Variants in PLLP observed in about 807,000 individuals in gnomAD.
PLLP encodes the protein plasma membrane proteolipid (plasmolipin).
PLLP carries 15 observed loss-of-function variants against 19.7 expected under a neutral mutation model. The ratio of observed to expected loss-of-function variants is 0.76; its 90% CI spans 0.51 to 1.17. The LOEUF is 1.17. Ranked by LOEUF, PLLP falls within the 50% of genes most tolerant of loss-of-function variation. The pLI is 0.00. For missense variants in PLLP, 255 were observed against 258.3 expected (o/e 0.99, Z 0.09); for synonymous variants, 111 against 116.3 (o/e 0.95, Z 0.29).
intron 1 of PLLP, among the ~76,000 whole-genome samples, chr16:57,265,684 T>C (rs11642528): frequency 0.042 from 6,457 of 152,226 alleles, 129 homozygotes; most frequent in Non-Finnish European, 0.045. Flanking sequence ...ATTCCCATCT[T>C]CCAAAGGGAA....
At chr16:57,268,468 T>C (rs1412466981) in intron 1 of PLLP, among the ~76,000 whole-genome samples, 3 of 152,162 alleles carry the variant, frequency 2.0e-5, no homozygotes, top group African/African-American at 7.2e-5. Context: ...ATCTTTGAAA[T>C]GTATCTACCC....
At chr16:57,268,250 A>G (rs76335253) in intron 1 of PLLP, among the ~76,000 whole-genome samples, 8,847 of 152,294 alleles carry the variant, frequency 0.058, 359 homozygotes, top group Non-Finnish European at 0.085. Context: ...CGGCAGCCCC[A>G]GGAAATGAAT....
At chr16:57,279,339 G>A (rs983369089) in intron 1 of PLLP, among the ~76,000 whole-genome samples, 1 of 151,494 alleles carries the variant, frequency 6.6e-6, no homozygotes, top group Admixed American at 6.6e-5. Flanking sequence ...GAGATCTAGG[G>A]AAGGCTTCTC....
intron 1 of PLLP, among the ~76,000 whole-genome samples, chr16:57,277,129 T>C (rs1284355599): frequency 1.3e-5 from 2 of 152,222 alleles, no homozygotes; most frequent in Non-Finnish European, 2.9e-5. Flanking sequence ...GAGAGGAATC[T>C]AGAGCCACAT....
intron 2 of PLLP, among the ~76,000 whole-genome samples, chr16:57,258,920 CAAAAAAAAAA>C (rs59321788): frequency 2.5e-5 from 1 of 40,248 alleles, no homozygotes; most frequent in African/African-American, 1.0e-4. Flanking sequence ...GATCCTGTCT[CAAAAAAAAAA>C]AAAAAAAAAA....
At chr16:57,284,168 G>A (rs1467668621) in intron 1 of PLLP, among the ~76,000 whole-genome samples, 1 of 152,162 alleles carries the variant, frequency 6.6e-6, no homozygotes, top group Admixed American at 6.5e-5. Flanking sequence ...ACGGTGCAGG[G>A]TGCTCACGCT....
At chr16:57,265,190 C>T (rs1168190956) in intron 1 of PLLP, among the ~76,000 whole-genome samples, 4 of 152,264 alleles carry the variant, frequency 2.6e-5, no homozygotes, top group Admixed American at 1.3e-4. Context: ...GGGCCTTGCC[C>T]GCTGTCACAC....
At chr16:57,274,005 G>C (rs1252215657) in intron 1 of PLLP, among the ~76,000 whole-genome samples, 2 of 151,846 alleles carry the variant, frequency 1.3e-5, no homozygotes, top group African/African-American at 4.8e-5. Flanking sequence ...TTATTTTTTT[G>C]GCAATAGGGT....
chr16:57,274,135 A>G (rs1197870050), intron 1 of PLLP, among the ~76,000 whole-genome samples: 1 of 151,746 alleles, frequency 6.6e-6, no homozygotes, highest in Non-Finnish European at 1.5e-5. Flanking sequence ...AGGCGCACAC[A>G]ACCATACCTG....
At chr16:57,268,235 T>C (rs1195457995) in intron 1 of PLLP, among the ~76,000 whole-genome samples, 1 of 152,222 alleles carries the variant, frequency 6.6e-6, no homozygotes, top group Non-Finnish European at 1.5e-5. Flanking sequence ...TGTGGAACTT[T>C]GTTACGGCAG....
At chr16:57,280,441 T>C (rs1226199049) in intron 1 of PLLP, among the ~76,000 whole-genome samples, 2 of 152,108 alleles carry the variant, frequency 1.3e-5, no homozygotes, top group Admixed American at 1.3e-4. Flanking sequence ...TAACCACGCC[T>C]TCTGCATTCT....
chr16:57,258,724 C>A (rs2075433484), intron 2 of PLLP, 140 bp from the exon 3 acceptor site: 1 of 796,700 alleles, frequency 1.3e-6, no homozygotes. Flanking sequence ...GAGTTAGAGA[C>A]CAGCCTGGGG....
chr16:57,280,801 T>C (rs1597966643), intron 1 of PLLP, among the ~76,000 whole-genome samples: 2 of 152,340 alleles, frequency 1.3e-5, no homozygotes, highest in Middle Eastern at 6.8e-3. Flanking sequence ...TTTCTGAATC[T>C]ACAAGGAATA....
At chr16:57,281,517 C>CTTTT (rs771314004) in intron 1 of PLLP, among the ~76,000 whole-genome samples, 2 of 130,142 alleles carry the variant, frequency 1.5e-5, no homozygotes, top group African/African-American at 6.2e-5. Context: ...TTTTTTATTT[C>CTTTT]TTTTTTTTTT....
At chr16:57,275,767 A>G (rs1236881072) in intron 1 of PLLP, among the ~76,000 whole-genome samples, 1 of 152,138 alleles carries the variant, frequency 6.6e-6, no homozygotes, top group Non-Finnish European at 1.5e-5. Flanking sequence ...GACCAACCAC[A>G]CTCAGTAGAA....
chr16:57,258,134 G>C (rs60781178), intron 3 of PLLP, among the ~76,000 whole-genome samples: 5,080 of 152,256 alleles, frequency 0.033, 274 homozygotes, highest in East Asian at 0.22. Context: ...GGGAGGCTGA[G>C]TCAGGAGAAT....
chr16:57,284,367 A>C, intron 1 of PLLP, 39 bp downstream of exon 1: 1 of 1,332,394 alleles, frequency 7.5e-7, no homozygotes, highest in Non-Finnish European at 9.6e-7. Context: ...CCGGACCGGG[A>C]GCCCCCGGCC....
Position 57,258,438 on chromosome 16 carries a change from A to G in PLLP, c.432+24T>C, listed in dbSNP as rs779842436. ...GGGGCTGAGACCCTGCAGACCACCA[A>G]GGGAGCCTGGGAAGCAGACTCACCG... On this transcript the variant is annotated intron_variant, in intron 3 of 3. Transcript: ENST00000219207. 61 of 1,604,900 alleles carry G rather than the reference A, an allele frequency of 3.8e-5. No individual in the cohort carries two copies. In the African/African-American group the frequency reaches 7.5e-4, roughly 20 times the overall value.
intron 1 of PLLP, among the ~76,000 whole-genome samples, chr16:57,280,336 C>T (rs1203247091): frequency 4.6e-5 from 7 of 152,168 alleles, no homozygotes; most frequent in African/African-American, 1.2e-4. Context: ...CTTCTCCCCA[C>T]GGCTTGGGGA....
Sources: allele counts gnomAD v4.1 joint callset (sites outside exome capture counted in the v4.1 genomes callset), GRCh38; gene constraint gnomAD v4.1.1; transcripts MANE v1.5; gene names NCBI Gene and HGNC (gene_info 2026-07-23, HGNC 2026-07-21).